Variants in UBR3 observed in about 807,000 individuals in gnomAD.
UBR3 encodes the protein ubiquitin protein ligase E3 component n-recognin 3.
Under a neutral mutation model 243.2 loss-of-function variants are expected in UBR3, and 85 were observed. The ratio of observed to expected loss-of-function variants is 0.35; its 90% CI spans 0.29 to 0.42. UBR3 has a LOEUF of 0.42. Among genes scored for constraint, UBR3 ranks in the 10% least tolerant of loss-of-function variants. The pLI is 1.00. For synonymous variants in UBR3, 748 were observed against 799.8 expected, an observed-to-expected ratio of 0.94 and a Z score of 1.09; for missense variants, 1,686 against 2,300.8, an observed-to-expected ratio of 0.73 and a Z score of 5.47.
At chr2:169,875,977 A>G in intron 3 of UBR3, 28 bp downstream of exon 3, 3 of 1,455,356 alleles carry the variant, frequency 2.1e-6, no homozygotes, top group Non-Finnish European at 2.7e-6. Flanking sequence ...AGAAATTTAT[A>G]GTTTTCATAT....
At chr2:169,969,874 A>G (rs935984317) in intron 24 of UBR3, among the ~76,000 whole-genome samples, 12 of 149,210 alleles carry the variant, frequency 8.0e-5, no homozygotes, top group African/African-American at 2.5e-4. Flanking sequence ...TGCCAGTACC[A>G]TGCTATTTTG....
At chr2:169,841,299 C>T (rs1380505888) in intron 1 of UBR3, among the ~76,000 whole-genome samples, 1 of 152,160 alleles carries the variant, frequency 6.6e-6, no homozygotes, top group African/African-American at 2.4e-5. Context: ...TTTTTTTCTG[C>T]TAAATATCCT....
rs746481416 is a variant in UBR3 at position 170,080,500 on chromosome 2, G to C, written c.5410-45G>C. The C allele has an allele frequency of 2.4e-5, 36 of 1,507,360 alleles. 1 individual carries two copies. In the South Asian group the frequency reaches 4.6e-4, roughly 19 times the overall value. 93.4% of individuals were successfully genotyped at this position (1,507,360 alleles called of 1,614,324 possible). A position where few individuals can be genotyped will look rare whatever the true frequency, so the allele number is the denominator to read the frequency against. Reference sequence around the variant, plus strand: ...AATATATTCTTGATTTTATTATAAAGCCTATTTGATTATGAAGTTCATTAA... The same window carrying C: ...AATATATTCTTGATTTTATTATAAACCCTATTTGATTATGAAGTTCATTAA... On this transcript the variant is annotated intron_variant, in intron 37 of 38. Coordinates refer to ENST00000272793, the MANE Select transcript of UBR3 (RefSeq NM_172070.4).
rs549684820 is a variant in UBR3, at chr2:169,934,992, C to T, written c.2663+1984C>T. The stretch of plus-strand genomic sequence containing the variant: ...AGTGAAAGTGGCTCATCCTGCTTCC[C>T]TCACTCCCTTCCAAATACCCCTGAG... On this transcript the variant is annotated intron_variant, in intron 19 of 38. Coordinates refer to ENST00000272793, the MANE Select transcript of UBR3 (RefSeq NM_172070.4). Among the ~76,000 whole-genome samples, 6 of 152,200 alleles carry T rather than the reference C, an allele frequency of 3.9e-5. No individual in the cohort carries two copies. In the South Asian group the frequency reaches 6.2e-4, roughly 16 times the overall value.
At chr2:170,081,665 A>C in intron 38 of UBR3, 61 bp from the exon 39 acceptor site, 1 of 1,282,888 alleles carries the variant, frequency 7.8e-7, no homozygotes, top group Non-Finnish European at 1.1e-6. Context: ...AAAAGAAGAA[A>C]GAAATGCATG....
intron 1 of UBR3, among the ~76,000 whole-genome samples, chr2:169,867,465 A>G (rs997136994): frequency 6.6e-6 from 1 of 152,200 alleles, no homozygotes; most frequent in Non-Finnish European, 1.5e-5. Context: ...ACTTTTTTAT[A>G]TTGTAAATGG....
chr2:169,877,273 T>G (rs558070892), intron 3 of UBR3, among the ~76,000 whole-genome samples: 1 of 152,370 alleles, frequency 6.6e-6, no homozygotes, highest in South Asian at 2.1e-4. Context: ...GCCCACCTAC[T>G]TTGTAGATTT....
At chr2:170,033,860 T>C (rs2090750624) in intron 31 of UBR3, among the ~76,000 whole-genome samples, 1 of 151,814 alleles carries the variant, frequency 6.6e-6, no homozygotes, top group South Asian at 2.1e-4. Context: ...TTTTTAAAAA[T>C]GGAAAAACTA....
chr2:169,945,532 G>A (rs188007452), intron 20 of UBR3, among the ~76,000 whole-genome samples: 180 of 152,114 alleles, frequency 1.2e-3, no homozygotes, highest in Non-Finnish European at 1.8e-3. Context: ...CTGCTATCTC[G>A]CCCACAATTA....
At chr2:169,873,336 C>T (rs2083491135) in intron 2 of UBR3, among the ~76,000 whole-genome samples, 1 of 151,986 alleles carries the variant, frequency 6.6e-6, no homozygotes, top group South Asian at 2.1e-4. Flanking sequence ...ATATACAATC[C>T]TTTGTTAAGT....
intron 19 of UBR3, among the ~76,000 whole-genome samples, chr2:169,942,249 C>A (rs1293585158): frequency 6.6e-6 from 1 of 152,120 alleles, no homozygotes; most frequent in Non-Finnish European, 1.5e-5. Context: ...TTTGTTAGCA[C>A]TTTAAAGTTT....
intron 25 of UBR3, among the ~76,000 whole-genome samples, chr2:169,987,392 C>CAAAAAA (rs563664122): frequency 1.5e-5 from 1 of 65,990 alleles, no homozygotes; most frequent in Non-Finnish European, 3.3e-5. Flanking sequence ...GACTCTGTCT[C>CAAAAAA]AAAAAAAAAA....
chr2:170,020,946 C>T (rs1480451928), intron 30 of UBR3, among the ~76,000 whole-genome samples: 1 of 152,132 alleles, frequency 6.6e-6, no homozygotes, highest in Non-Finnish European at 1.5e-5. Flanking sequence ...CTAGCTCAGG[C>T]ATCTTGTACC....
intron 5 of UBR3, 83 bp downstream of exon 5, chr2:169,878,657 G>C: frequency 8.2e-7 from 1 of 1,219,954 alleles, no homozygotes; most frequent in Non-Finnish European, 1.2e-6. Context: ...CTTCTTTATA[G>C]TTCTGAAACT....
At chr2:169,948,760 G>A (rs1402734530) in intron 22 of UBR3, among the ~76,000 whole-genome samples, 1 of 151,936 alleles carries the variant, frequency 6.6e-6, no homozygotes, top group Non-Finnish European at 1.5e-5. Context: ...TGATATTACA[G>A]CATCCTTTCT....
chr2:169,876,335 C>G (rs538468758), intron 3 of UBR3, among the ~76,000 whole-genome samples: 6 of 152,182 alleles, frequency 3.9e-5, no homozygotes, highest in Non-Finnish European at 7.3e-5. Context: ...CCGCCTTGGC[C>G]TTCCGAAGTG....
intron 32 of UBR3, among the ~76,000 whole-genome samples, chr2:170,054,988 C>T (rs569248463): frequency 6.6e-6 from 1 of 152,238 alleles, no homozygotes; most frequent in African/African-American, 2.4e-5. Flanking sequence ...AATTTCAGAT[C>T]TGTTGGGCAG....
At chr2:170,007,587 G>A (rs142678087) in intron 28 of UBR3, among the ~76,000 whole-genome samples, 3,395 of 151,948 alleles carry the variant, frequency 0.022, 116 homozygotes, top group African/African-American at 0.077. Flanking sequence ...GCAAAACCCC[G>A]TCTCTACTAA....
intron 36 of UBR3, chr2:170,078,017 G>T (rs770017973): frequency 1.5e-6 from 1 of 680,732 alleles, no homozygotes; most frequent in Non-Finnish European, 2.8e-6. Context: ...GCTTGAGGTT[G>T]TCCCTCTCTG....
Sources: allele counts gnomAD v4.1 joint callset (sites outside exome capture counted in the v4.1 genomes callset), GRCh38; gene constraint gnomAD v4.1.1; transcripts MANE v1.5; gene names NCBI Gene and HGNC (gene_info 2026-07-23, HGNC 2026-07-21).